The following OSBPL9 variants were observed in gnomAD, a reference collection of about 807,000 sequenced individuals.
OSBPL9 encodes the protein oxysterol-binding protein-related protein 9.
Under a neutral mutation model 106.6 loss-of-function variants are expected in OSBPL9, and 40 were observed. The ratio of observed to expected loss-of-function variants is 0.38; its 90% CI spans 0.29 to 0.49. The LOEUF is 0.49. OSBPL9 is among the 20% of genes least tolerant of loss of function. The pLI, the probability that OSBPL9 is intolerant of heterozygous loss-of-function variation, is 0.97. For synonymous variants in OSBPL9, 269 were observed against 295.4 expected, an observed-to-expected ratio of 0.91 and a Z score of 0.92; for missense variants, 609 against 887.2, an observed-to-expected ratio of 0.69 and a Z score of 3.98.
At chr1:51,652,206 G>A (rs1156660561) in intron 2 of OSBPL9, among the ~76,000 whole-genome samples, 165 bp downstream of exon 2, 1 of 152,190 alleles carries the variant, frequency 6.6e-6, no homozygotes, top group African/African-American at 2.4e-5. Context: ...CTGTTAGTCA[G>A]TATCAGAACC....
At chr1:51,658,836 G>A (rs919341251) in intron 2 of OSBPL9, among the ~76,000 whole-genome samples, 3 of 151,674 alleles carry the variant, frequency 2.0e-5, no homozygotes, top group African/African-American at 7.3e-5. Context: ...TCTGTATCCT[G>A]TAAGAACTTT....
rs1678104315 is a variant in OSBPL9 at position 51,787,939 on chromosome 1, A to G, written c.*150A>G. 3.0e-6 allele frequency: 2 copies of G among 665,182 alleles called. No individual in the cohort carries two copies. The highest frequency in any genetic ancestry group is 2.5e-6 in the Non-Finnish European group (1 of 395,024). The allele number at this position is 665,182 out of a possible 1,614,324, so 41.2% of individuals were successfully genotyped here. A position where few individuals can be genotyped will look rare whatever the true frequency, so the allele number is the denominator to read the frequency against. ...GATACTGGACTTTCTGACGCAGATG[A>G]ACAATTAAGGGGAAAAGCTTCCCTT... On this transcript the variant is annotated 3_prime_UTR_variant, in exon 24 of 24. Transcript: ENST00000428468.
chr1:51,743,208 A>G (rs1026298124), intron 4 of OSBPL9, among the ~76,000 whole-genome samples: 1 of 152,212 alleles, frequency 6.6e-6, no homozygotes, highest in Admixed American at 6.5e-5. Context: ...TGTCATTATA[A>G]ACCTCCTGTT....
At chr1:51,674,180 T>C (rs1650622654) in intron 3 of OSBPL9, among the ~76,000 whole-genome samples, 1 of 151,554 alleles carries the variant, frequency 6.6e-6, no homozygotes, top group African/African-American at 2.4e-5. Flanking sequence ...CACCTTAGCC[T>C]CCCAGGTAGC....
At chr1:51,670,865 A>C (rs1469844187) in intron 3 of OSBPL9, among the ~76,000 whole-genome samples, 1 of 152,222 alleles carries the variant, frequency 6.6e-6, no homozygotes, top group African/African-American at 2.4e-5. Flanking sequence ...AATGAAGTTG[A>C]ATATTTTAAT....
intron 2 of OSBPL9, among the ~76,000 whole-genome samples, chr1:51,607,104 CAT>C (rs1377284633): frequency 6.6e-6 from 1 of 150,806 alleles, no homozygotes; most frequent in African/African-American, 2.4e-5. Context: ...AAAGAAAAAA[CAT>C]AAAACCAACC....
At chr1:51,610,449 G>C (rs1210378948) in intron 2 of OSBPL9, among the ~76,000 whole-genome samples, 1 of 152,056 alleles carries the variant, frequency 6.6e-6, no homozygotes, top group Non-Finnish European at 1.5e-5. Context: ...TGGTAGAGAC[G>C]GGGTTTCACC....
chr1:51,661,145 T>C (rs1570884271), intron 2 of OSBPL9, among the ~76,000 whole-genome samples: 1 of 152,210 alleles, frequency 6.6e-6, no homozygotes, highest in East Asian at 1.9e-4. Context: ...TATGTGGTTG[T>C]AGAGTTATAA....
At chr1:51,577,612 G>A (rs927131842) in intron 1 of OSBPL9, among the ~76,000 whole-genome samples, 4 of 152,098 alleles carry the variant, frequency 2.6e-5, no homozygotes, top group Admixed American at 2.0e-4. Context: ...CAAGAATGGC[G>A]TAATACATTG....
intron 4 of OSBPL9, among the ~76,000 whole-genome samples, chr1:51,730,278 A>G (rs1044923223): frequency 1.3e-5 from 2 of 151,608 alleles, no homozygotes; most frequent in African/African-American, 4.8e-5. Context: ...CTTTTTTTCT[A>G]TTCATTTTTG....
chr1:51,742,146 G>A (rs780449835), intron 4 of OSBPL9, among the ~76,000 whole-genome samples: 18 of 152,160 alleles, frequency 1.2e-4, no homozygotes, highest in Non-Finnish European at 2.1e-4. Context: ...TGGCCCTGAT[G>A]GGTATAGTGA....
intron 5 of OSBPL9, 63 bp from the exon 6 acceptor site, chr1:51,746,647 T>C (rs940178379): frequency 3.5e-6 from 4 of 1,147,672 alleles, no homozygotes; most frequent in African/African-American, 1.6e-5. Context: ...TTTCTGTGTT[T>C]AGTGAATGTA....
At chr1:51,713,720 T>C (rs1236162817) in intron 3 of OSBPL9, among the ~76,000 whole-genome samples, 6 of 152,198 alleles carry the variant, frequency 3.9e-5, no homozygotes, top group Non-Finnish European at 8.8e-5. Context: ...ACCAGTTGTT[T>C]TTTAAAAATC....
intron 3 of OSBPL9, among the ~76,000 whole-genome samples, chr1:51,681,574 T>C (rs1179266919): frequency 6.6e-6 from 1 of 152,158 alleles, no homozygotes; most frequent in Non-Finnish European, 1.5e-5. Flanking sequence ...TTTCTACTAA[T>C]TAAAGTAATG....
chr1:51,576,116 T>C (rs1319493828), upstream of OSBPL9, among the ~76,000 whole-genome samples: 1 of 152,226 alleles, frequency 6.6e-6, no homozygotes, highest in East Asian at 1.9e-4. Context: ...TCTATGCTTT[T>C]CTCCTGTTAA....
the OSBPL9 span, among the ~76,000 whole-genome samples, chr1:51,521,694 C>T: frequency 6.6e-6 from 1 of 152,178 alleles, no homozygotes; most frequent in Non-Finnish European, 1.5e-5. Context: ...GACCCCATCT[C>T]TAATAAATAA....
At chr1:51,724,146 A>G (rs1662666146) in intron 4 of OSBPL9, among the ~76,000 whole-genome samples, 3 of 151,682 alleles carry the variant, frequency 2.0e-5, no homozygotes, top group African/African-American at 2.4e-5. Context: ...GGGTTTTGCC[A>G]TGTTGCCCAG....
chr1:51,612,301 C>T (rs1309250499), upstream of OSBPL9, among the ~76,000 whole-genome samples: 1 of 152,212 alleles, frequency 6.6e-6, no homozygotes, highest in Non-Finnish European at 1.5e-5. Context: ...CCAGAATGGT[C>T]TTTCAAAAAT....
chr1:51,776,766 T>C (rs1401196867), intron 14 of OSBPL9, 67 bp from the exon 15 acceptor site: 1 of 1,058,652 alleles, frequency 9.4e-7, no homozygotes, highest in Admixed American at 2.3e-5. Flanking sequence ...TTTTCTTTTT[T>C]TTTTTTTTAG....
Sources: gnomAD v4.1 joint callset for allele counts (sites outside exome capture counted in the v4.1 genomes callset) on GRCh38, gnomAD v4.1.1 for gene constraint, MANE v1.5 for transcripts, NCBI Gene and HGNC (gene_info 2026-07-23, HGNC 2026-07-21) for gene names.